SH3RF3: variants seen among roughly 807,000 people sequenced by gnomAD.
The protein encoded by SH3RF3 is E3 ubiquitin-protein ligase SH3RF3.
In SH3RF3, 29 loss-of-function variants were observed where a neutral mutation model predicts 66.3. The ratio of observed to expected loss-of-function variants is 0.44; its 90% CI spans 0.33 to 0.60. The LOEUF (loss-of-function observed/expected upper bound fraction) is 0.60, where lower values mean the gene tolerates loss of function less well. SH3RF3 is among the 20% of genes least tolerant of loss of function. SH3RF3 has a pLI of 0.04. For synonymous variants in SH3RF3, 583 were observed against 532.0 expected (o/e 1.10, Z -1.32); for missense variants, 1,194 against 1,190.9 (o/e 1.00, Z -0.04).
intron 1 of SH3RF3, among the ~76,000 whole-genome samples, chr2:109,262,520 T>G (rs1210475203): frequency 2.6e-5 from 4 of 152,366 alleles, no homozygotes; most frequent in East Asian, 1.9e-4. Flanking sequence ...CCAGGCCCTT[T>G]CCTTGCGGCC....
chr2:109,462,709 A>G (rs190510899), intron 8 of SH3RF3, among the ~76,000 whole-genome samples: 1 of 152,322 alleles, frequency 6.6e-6, no homozygotes, highest in East Asian at 1.9e-4. Context: ...CAATGTGAGG[A>G]TTCTGCCTGC....
At chr2:109,149,238 G>A (rs1460472815) in intron 1 of SH3RF3, among the ~76,000 whole-genome samples, 2 of 152,122 alleles carry the variant, frequency 1.3e-5, no homozygotes, top group Non-Finnish European at 2.9e-5. Context: ...GACTTCTCTA[G>A]TCAGACACTA....
At chr2:109,183,621 A>G (rs1212692789) in intron 1 of SH3RF3, among the ~76,000 whole-genome samples, 1 of 152,054 alleles carries the variant, frequency 6.6e-6, no homozygotes, top group African/African-American at 2.4e-5. Context: ...TGAGAAATTA[A>G]CTTCTTTTAT....
chr2:109,309,305 C>G, intron 1 of SH3RF3, among the ~76,000 whole-genome samples: 1 of 149,920 alleles, frequency 6.7e-6, no homozygotes. Flanking sequence ...AGTTGCTTAT[C>G]AGCTTAAGGA....
chr2:109,171,169 A>G (rs1470450183), intron 1 of SH3RF3, among the ~76,000 whole-genome samples: 1 of 152,138 alleles, frequency 6.6e-6, no homozygotes. Flanking sequence ...ATATATATGT[A>G]CATTTTTTGG....
chr2:109,211,290 A>G (rs867791472), intron 1 of SH3RF3, among the ~76,000 whole-genome samples: 26 of 152,352 alleles, frequency 1.7e-4, no homozygotes, highest in Middle Eastern at 3.4e-3. Flanking sequence ...GCAGCAAGGC[A>G]TTGGTTACAA....
At chr2:109,416,509 C>T (rs1182441703) in intron 4 of SH3RF3, among the ~76,000 whole-genome samples, 1 of 152,192 alleles carries the variant, frequency 6.6e-6, no homozygotes, top group African/African-American at 2.4e-5. Flanking sequence ...CTCAGCCTCC[C>T]CAGTAGCTGG....
chr2:109,471,932 A>G (rs1463904878), intron 8 of SH3RF3, among the ~76,000 whole-genome samples: 1 of 152,218 alleles, frequency 6.6e-6, no homozygotes, highest in African/African-American at 2.4e-5. Context: ...ACAGCAGTTC[A>G]TGTAACTTGG....
At chr2:109,375,146 A>G (rs1683351423) in intron 3 of SH3RF3, among the ~76,000 whole-genome samples, 1 of 152,186 alleles carries the variant, frequency 6.6e-6, no homozygotes, top group Non-Finnish European at 1.5e-5. Flanking sequence ...GCATTCACCC[A>G]TGAGCTGGGC....
chr2:109,249,577 TTCCTTC>T (rs1558981651), intron 1 of SH3RF3, among the ~76,000 whole-genome samples: 5,165 of 132,698 alleles, frequency 0.039, 271 homozygotes, highest in Middle Eastern at 0.051. Context: ...CCTTCCTTCC[TTCCTTC>T]CTTTCCTTTC....
At chr2:109,214,998 A>G (rs780074160) in intron 1 of SH3RF3, among the ~76,000 whole-genome samples, 11 of 152,234 alleles carry the variant, frequency 7.2e-5, no homozygotes, top group Admixed American at 3.9e-4. Context: ...GTGGAGGCAG[A>G]GTAAGATCTC....
chr2:109,325,567 T>C (rs891414), intron 1 of SH3RF3, among the ~76,000 whole-genome samples: 129,221 of 151,960 alleles, frequency 0.85, 55,473 homozygotes, highest in African/African-American at 0.95. Flanking sequence ...CAACATCCCT[T>C]AATATGGCTG....
intron 1 of SH3RF3, among the ~76,000 whole-genome samples, chr2:109,132,668 C>T (rs796753617): frequency 6.6e-6 from 1 of 152,194 alleles, no homozygotes; most frequent in Non-Finnish European, 1.5e-5. Context: ...ATATGTGTTA[C>T]TTCTTGAAGT....
chr2:109,198,277 G>A (rs1678554495), intron 1 of SH3RF3, among the ~76,000 whole-genome samples: 1 of 152,234 alleles, frequency 6.6e-6, no homozygotes, highest in South Asian at 2.1e-4. Flanking sequence ...CACAGCTGCA[G>A]TGTCATCTCT....
chr2:109,130,089 C>G lies in SH3RF3; in HGVS notation c.549C>G (p.Thr183=). 1 of 1,358,476 alleles carries G rather than the reference C, an allele frequency of 7.4e-7. No individual in the cohort carries two copies. The highest frequency in any genetic ancestry group is 2.7e-4 in the Middle Eastern group (1 of 3,664). The allele number at this position is 1,358,476 out of a possible 1,614,324, so 84.2% of individuals were successfully genotyped here. The change falls in exon 1 of 10, where the codon ACC becomes ACG. Residue 183 remains threonine (T), a synonymous_variant. Transcript: ENST00000309415. ...STAGSLRELA[T]SRTAPAAKNP... ...CCGGCAGTCTGCGGGAGCTGGCGAC[C>G]AGCAGGACCGCGCCGGCGGCAAAGG...
chr2:109,249,469 CTT>C (rs1491548017), intron 1 of SH3RF3, among the ~76,000 whole-genome samples: 8 of 15,682 alleles, frequency 5.1e-4, no homozygotes, highest in African/African-American at 3.3e-3. Context: ...CTCTCTTTCT[CTT>C]TCTTTCTTTC....
At chr2:109,201,398 T>A (rs11123731) in intron 1 of SH3RF3, among the ~76,000 whole-genome samples, 40,580 of 152,020 alleles carry the variant, frequency 0.27, 5,785 homozygotes, top group East Asian at 0.47. Context: ...GCAGGCTGTT[T>A]CCCGGATCTC....
intron 1 of SH3RF3, among the ~76,000 whole-genome samples, chr2:109,189,438 G>A (rs1046812536): frequency 4.7e-5 from 7 of 149,928 alleles, no homozygotes; most frequent in Non-Finnish European, 8.9e-5. Flanking sequence ...GCGCTATCTC[G>A]GCTCACTGCA....
chr2:109,490,771 G>A lies in SH3RF3; in HGVS notation c.2315G>A (p.Arg772Lys). 6.5e-7 allele frequency: 1 copy of A among 1,536,704 alleles called. No homozygotes were observed. Among genetic ancestry groups the A allele is most frequent in the South Asian group, 1.2e-5 (1 of 84,018 alleles). Residue 772 changes from arginine (R) to lysine (K), a missense_variant, in exon 9 of 10, where the codon AGG (arginine) becomes AAG (lysine). By Grantham distance (26) the Arg-to-Lys change is conservative (BLOSUM62 2). Transcript: ENST00000309415. The part of the protein sequence containing the change: ...PEVSSLSIHG[R>K]AGSCPIESEM... ...GTGTCCTCACTGTCCATCCACGGCA[G>A]GGCAGGGTCCTGCCCCATAGAGAGC... is the stretch of plus-strand genomic sequence containing the variant.
Sources: allele counts gnomAD v4.1 joint callset (sites outside exome capture counted in the v4.1 genomes callset), GRCh38; gene constraint gnomAD v4.1.1; transcripts MANE v1.5; gene names NCBI Gene and HGNC (gene_info 2026-07-23, HGNC 2026-07-21).